MUSK: variants seen among roughly 807,000 people sequenced by gnomAD.
MUSK encodes the protein muscle, skeletal receptor tyrosine-protein kinase.
MUSK carries 55 observed loss-of-function variants against 88.7 expected under a neutral mutation model. The observed-to-expected ratio is 0.62, with a 90% CI of 0.50 to 0.78. The LOEUF is 0.78. Ranked by LOEUF, MUSK falls within the 30% of genes least tolerant of loss-of-function variation. MUSK has a pLI of 0.00. For missense variants in MUSK, 1,015 were observed against 1,074.3 expected (o/e 0.94, Z 0.77); for synonymous variants, 387 against 391.9 (o/e 0.99, Z 0.15).
chr9:110,680,188 C>G (rs892558571), intron 1 of MUSK, among the ~76,000 whole-genome samples: 1 of 151,974 alleles, frequency 6.6e-6, no homozygotes, highest in Non-Finnish European at 1.5e-5. Flanking sequence ...GTTATTTTTA[C>G]GCAGTCATGT....
chr9:110,689,728 AGT>A (rs2076276818), intron 3 of MUSK, among the ~76,000 whole-genome samples: 4 of 77,328 alleles, frequency 5.2e-5, no homozygotes, highest in Admixed American at 1.9e-4. Flanking sequence ...TGTTATATAT[AGT>A]TTATATATAA....
At position 110,716,033 on chromosome 9, in the gene MUSK, C is replaced by T. The variant is rs79059467; in HGVS notation, c.629-18218C>T. On this transcript the variant is annotated intron_variant, in intron 5 of 14. Transcript: ENST00000374448. Reference sequence around the variant, plus strand: ...TAGCTAACGGATGCTAGGCTTATTACCTAAGTGATGGGCTGATCTGTGCAG... The same window carrying T: ...TAGCTAACGGATGCTAGGCTTATTATCTAAGTGATGGGCTGATCTGTGCAG... Among the ~76,000 whole-genome samples the T allele has an allele frequency of 1.9e-3, 285 of 149,638 alleles. 23 individuals carry two copies. The highest frequency in any genetic ancestry group is 6.9e-3 in the African/African-American group (273 of 39,316).
intron 14 of MUSK, among the ~76,000 whole-genome samples, chr9:110,789,801 T>C (rs575524607): frequency 6.6e-6 from 1 of 152,286 alleles, no homozygotes; most frequent in African/African-American, 2.4e-5. Flanking sequence ...GACGTGTTTT[T>C]TGGCGATGCT....
chr9:110,780,970 C>T lies in MUSK; in HGVS notation c.1385-3845C>T, dbSNP rs191055730. Among the ~76,000 whole-genome samples the T allele has an allele frequency of 7.2e-5, 11 of 152,200 alleles. No homozygotes were observed. In the East Asian group the frequency reaches 2.1e-3, roughly 29 times the overall value. On this transcript the variant is annotated intron_variant, in intron 11 of 14. Transcript: ENST00000374448. ...AAAAGTTGATCATGCTATTCCACCTCGTAAAACACTCCTATAAGACCCTCC... is the reference window on the plus strand; with the variant it reads ...AAAAGTTGATCATGCTATTCCACCTTGTAAAACACTCCTATAAGACCCTCC...
intron 1 of MUSK, among the ~76,000 whole-genome samples, chr9:110,672,136 A>T (rs1055161833): frequency 6.6e-6 from 1 of 152,228 alleles, no homozygotes; most frequent in African/African-American, 2.4e-5. Context: ...GAGTAAACAG[A>T]GTTGCTTCAA....
intron 5 of MUSK, among the ~76,000 whole-genome samples, chr9:110,733,621 G>T (rs2076991997): frequency 6.7e-6 from 1 of 148,670 alleles, no homozygotes; most frequent in South Asian, 2.1e-4. Flanking sequence ...GACACAATTT[G>T]TCTGCCCTCC....
At position 110,740,898 on chromosome 9, in the gene MUSK, G is replaced by A. The variant is rs550618084; in HGVS notation, c.753+6523G>A. Among the ~76,000 whole-genome samples, 15 of 152,166 alleles carry A rather than the reference G, an allele frequency of 9.9e-5. No individual in the cohort carries two copies. The South Asian group carries it at 3.1e-3, about 32-fold the overall frequency. ...AAGTGAAATAAGCCAGATACAGAAAGGCAAATACCAAATGATCTCACTTAT... is the reference window on the plus strand; with the variant it reads ...AAGTGAAATAAGCCAGATACAGAAAAGCAAATACCAAATGATCTCACTTAT... On this transcript the variant is annotated intron_variant, in intron 6 of 14. Coordinates refer to ENST00000374448, the MANE Select transcript of MUSK (RefSeq NM_005592.4).
intron 7 of MUSK, among the ~76,000 whole-genome samples, chr9:110,755,951 C>CGTATATAT (rs1269355799): frequency 7.9e-5 from 8 of 101,792 alleles, no homozygotes; most frequent in African/African-American, 3.4e-4. Context: ...TATATATATA[C>CGTATATAT]ACATATATAT....
intron 5 of MUSK, among the ~76,000 whole-genome samples, chr9:110,700,579 T>A (rs1403004635): frequency 4.6e-5 from 7 of 152,090 alleles, no homozygotes; most frequent in Admixed American, 4.6e-4. Context: ...TGGAGCTATG[T>A]TTGGTGTGTA....
At chr9:110,736,011 A>G (rs2131844827) in intron 6 of MUSK, among the ~76,000 whole-genome samples, 1 of 152,244 alleles carries the variant, frequency 6.6e-6, no homozygotes, top group South Asian at 2.1e-4. Context: ...ATTCGACTTG[A>G]GATTTGGTGG....
At chr9:110,699,839 T>G (rs2076479278) in intron 5 of MUSK, among the ~76,000 whole-genome samples, 1 of 152,158 alleles carries the variant, frequency 6.6e-6, no homozygotes, top group African/African-American at 2.4e-5. Flanking sequence ...CATTTGATGC[T>G]GGGCTACATG....
intron 1 of MUSK, among the ~76,000 whole-genome samples, 197 bp downstream of exon 1, chr9:110,669,180 G>A (rs545095271): frequency 3.3e-5 from 5 of 152,226 alleles, no homozygotes; most frequent in Admixed American, 2.6e-4. Flanking sequence ...ATTTTACTCC[G>A]AAGTTCTGCA....
intron 9 of MUSK, among the ~76,000 whole-genome samples, chr9:110,772,641 A>G (rs932223607): frequency 1.8e-4 from 28 of 152,130 alleles, no homozygotes; most frequent in African/African-American, 6.0e-4. Flanking sequence ...TTTATGTTCA[A>G]TCCTTTCTGC....
intron 5 of MUSK, among the ~76,000 whole-genome samples, chr9:110,730,118 A>T (rs530491779): frequency 2.0e-5 from 3 of 152,066 alleles, no homozygotes; most frequent in Non-Finnish European, 4.4e-5. Flanking sequence ...CTCCACTTGC[A>T]GTTAGCCTGC....
intron 7 of MUSK, chr9:110,748,122 C>A: frequency 2.4e-6 from 1 of 424,874 alleles, no homozygotes; most frequent in Non-Finnish European, 4.6e-6. Flanking sequence ...CCTTCCCTCC[C>A]TCGCTCCCTT....
At chr9:110,725,678 C>G (rs1316180821) in intron 5 of MUSK, among the ~76,000 whole-genome samples, 1 of 152,000 alleles carries the variant, frequency 6.6e-6, no homozygotes, top group Non-Finnish European at 1.5e-5. Context: ...CTACAAGAGA[C>G]TGTGCTGGAC....
rs2078140431 is a variant in MUSK at position 110,804,719 on chromosome 9, T to A, written c.*3731T>A. ...TTTCTTATAAAAGTAATATATTATG[T>A]TTGAAAAGAAAAATAATATGCAATA... On this transcript the variant is annotated 3_prime_UTR_variant, in exon 15 of 15. Transcript: ENST00000374448. Among the ~76,000 whole-genome samples, 2 of 151,784 alleles carry A rather than the reference T, an allele frequency of 1.3e-5. No homozygotes were observed. The highest frequency in any genetic ancestry group is 4.1e-4 in the South Asian group (2 of 4,832).
intron 4 of MUSK, 114 bp downstream of exon 4, chr9:110,695,644 C>A: frequency 1.2e-6 from 1 of 833,800 alleles, no homozygotes; most frequent in Non-Finnish European, 1.8e-6. Context: ...TTTCCATGTA[C>A]ATTTTAACCA....
intron 2 of MUSK, among the ~76,000 whole-genome samples, chr9:110,684,132 T>C (rs111695637): frequency 0.029 from 4,416 of 152,214 alleles, 233 homozygotes; most frequent in African/African-American, 0.1. Flanking sequence ...TTTAAATCTT[T>C]AATCCATTTT....
Sources: gnomAD v4.1 joint callset for allele counts (sites outside exome capture counted in the v4.1 genomes callset) on GRCh38, gnomAD v4.1.1 for gene constraint, MANE v1.5 for transcripts, NCBI Gene and HGNC (gene_info 2026-07-23, HGNC 2026-07-21) for gene names.